The following PEX5L variants were observed in gnomAD, a reference collection of about 807,000 sequenced individuals.
PEX5L encodes peroxisomal biogenesis factor 5 like, also known as PEX5-related protein.
A neutral mutation model predicts 84.0 loss-of-function variants in PEX5L; 30 were observed. The observed-to-expected ratio is 0.36, with a 90% confidence interval of 0.27 to 0.48. The LOEUF is 0.48. Ranked by LOEUF, PEX5L falls within the 20% of genes least tolerant of loss-of-function variation. The probability of loss-of-function intolerance (pLI) is 0.99; values close to 1 mark genes in which losing one functional copy is unlikely to be tolerated. For synonymous variants in PEX5L, 270 were observed against 283.1 expected (o/e 0.95, Z 0.46); for missense variants, 533 against 754.6 (o/e 0.71, Z 3.44).
intron 1 of PEX5L, among the ~76,000 whole-genome samples, chr3:180,019,347 G>A (rs55824267): frequency 0.074 from 11,214 of 152,182 alleles, 405 homozygotes; most frequent in Non-Finnish European, 0.092. Flanking sequence ...AACTTTTTCT[G>A]ATCTCCAGTA....
At position 180,016,249 on chromosome 3, in the gene PEX5L, T is replaced by C. The variant is rs191910093; in HGVS notation, c.21+20330A>G. Among the ~76,000 whole-genome samples the C allele has an allele frequency of 1.2e-4, 19 of 152,314 alleles. No homozygotes were observed. The East Asian group carries it at 3.7e-3, about 29-fold the overall frequency. On this transcript the variant is annotated intron_variant, in intron 1 of 14. Transcript: ENST00000467460. ...AGGATGACTTTGATCAATGATTATA[T>C]CATAATACTTAAAGTTTTATTAAAT... is the stretch of plus-strand genomic sequence containing the variant.
At chr3:179,808,535 G>A in intron 12 of PEX5L, 98 bp from the exon 13 acceptor site, 4 of 942,074 alleles carry the variant, frequency 4.2e-6, no homozygotes, top group South Asian at 2.6e-5. Context: ...AAGTCTCTTC[G>A]TTACAGACTG....
intron 2 of PEX5L, among the ~76,000 whole-genome samples, chr3:179,925,290 C>T (rs566625083): frequency 1.3e-5 from 2 of 152,176 alleles, no homozygotes; most frequent in African/African-American, 2.4e-5. Flanking sequence ...ATCTTCCTCA[C>T]GCCCCTACTC....
chr3:180,033,776 A>G (rs1791663876), intron 1 of PEX5L, among the ~76,000 whole-genome samples: 1 of 152,218 alleles, frequency 6.6e-6, no homozygotes, highest in African/African-American at 2.4e-5. Context: ...TACTGGGGTG[A>G]CTAACTCCCC....
At chr3:179,949,713 G>T (rs1243710712) in intron 2 of PEX5L, among the ~76,000 whole-genome samples, 4 of 152,184 alleles carry the variant, frequency 2.6e-5, no homozygotes, top group Non-Finnish European at 5.9e-5. Context: ...TCAAGGGTAG[G>T]AGGAATAGGG....
At chr3:179,878,212 A>G (rs1753084263) in intron 5 of PEX5L, among the ~76,000 whole-genome samples, 1 of 152,186 alleles carries the variant, frequency 6.6e-6, no homozygotes, top group African/African-American at 2.4e-5. Context: ...GGCATGTTCT[A>G]CATGTCCCCA....
At chr3:179,966,179 A>G (rs1227044603) in intron 2 of PEX5L, among the ~76,000 whole-genome samples, 1 of 152,168 alleles carries the variant, frequency 6.6e-6, no homozygotes, top group African/African-American at 2.4e-5. Flanking sequence ...GGCAACTACA[A>G]CTGCATAATG....
intron 1 of PEX5L, chr3:179,973,188 T>C: frequency 7.8e-7 from 1 of 1,289,092 alleles, no homozygotes; most frequent in Non-Finnish European, 1.0e-6. Context: ...ACCCGGTTTC[T>C]GGACAAAAGG....
Position 179,905,299 on chromosome 3 carries a change from G to A in PEX5L, c.94-7053C>T, listed in dbSNP as rs1762766765. The stretch of plus-strand genomic sequence containing the variant: ...GTCCTTTTTTTTTTTTTGAGATGGA[G>A]TCTCGCTCTGTCGCCCAGGCTGGAG... On this transcript the variant is annotated intron_variant, in intron 2 of 14. Transcript: ENST00000467460. Among the ~76,000 whole-genome samples the A allele has an allele frequency of 3.4e-5, 5 of 148,968 alleles. No homozygotes were observed. The South Asian group carries it at 1.1e-3, about 32-fold the overall frequency.
At chr3:179,915,159 G>C (rs1766585810) in intron 2 of PEX5L, among the ~76,000 whole-genome samples, 1 of 152,186 alleles carries the variant, frequency 6.6e-6, no homozygotes, top group Non-Finnish European at 1.5e-5. Flanking sequence ...ACCTGACACA[G>C]AGTAGGTACT....
Position 179,973,059 on chromosome 3 carries a change from G to C in PEX5L, c.22-1394C>G, listed in dbSNP as rs963899143. The C allele has an allele frequency of 4.9e-6, 3 of 607,844 alleles. No individual in the cohort carries two copies. In the Admixed American group the frequency reaches 1.2e-4, roughly 25 times the overall value. The allele number at this position is 607,844 out of a possible 1,614,324, so 37.7% of individuals were successfully genotyped here. Reference sequence around the variant, plus strand: ...ACTTCCTTCCTATCATTTTGCTTTTGTATTCTTTTTGTTCACTGGTTGCCA... The same window carrying C: ...ACTTCCTTCCTATCATTTTGCTTTTCTATTCTTTTTGTTCACTGGTTGCCA... On this transcript the variant is annotated intron_variant, in intron 1 of 14. Transcript: ENST00000467460.
At chr3:179,837,011 G>A (rs1268354779) in intron 8 of PEX5L, among the ~76,000 whole-genome samples, 1 of 152,166 alleles carries the variant, frequency 6.6e-6, no homozygotes, top group Non-Finnish European at 1.5e-5. Flanking sequence ...TGACTATAGA[G>A]AGAAAAATTA....
chr3:179,907,868 G>A (rs531159808), intron 2 of PEX5L, among the ~76,000 whole-genome samples: 1 of 152,276 alleles, frequency 6.6e-6, no homozygotes, highest in East Asian at 1.9e-4. Flanking sequence ...CTTCTCTGTG[G>A]CTTTCCCCAT....
chr3:179,866,060 T>A (rs1026610514), intron 7 of PEX5L, among the ~76,000 whole-genome samples: 1 of 152,164 alleles, frequency 6.6e-6, no homozygotes, highest in Non-Finnish European at 1.5e-5. Context: ...TTGTAGGATA[T>A]TGCACTCTCC....
intron 1 of PEX5L, among the ~76,000 whole-genome samples, chr3:180,010,032 C>T (rs963137621): frequency 4.6e-5 from 7 of 152,078 alleles, no homozygotes; most frequent in African/African-American, 1.7e-4. Context: ...CAAGCTCCGC[C>T]TCTAGGGTTC....
At chr3:179,944,548 TC>T (rs1314743528) in intron 2 of PEX5L, among the ~76,000 whole-genome samples, 1 of 152,234 alleles carries the variant, frequency 6.6e-6, no homozygotes, top group African/African-American at 2.4e-5. Flanking sequence ...TTAATAAATG[TC>T]AGTTTCCCAT....
intron 1 of PEX5L, among the ~76,000 whole-genome samples, chr3:180,002,077 T>G (rs549544499): frequency 5.3e-5 from 8 of 152,322 alleles, no homozygotes; most frequent in Non-Finnish European, 1.2e-4. Context: ...TATTTCATTC[T>G]TTTTAATGCC....
chr3:179,995,131 T>C (rs1033333955), intron 1 of PEX5L, among the ~76,000 whole-genome samples: 1 of 147,956 alleles, frequency 6.8e-6, no homozygotes, highest in African/African-American at 2.5e-5. Flanking sequence ...ATATATACAC[T>C]ATATATACAC....
intron 1 of PEX5L, among the ~76,000 whole-genome samples, chr3:180,034,896 G>T (rs1232308811): frequency 2.0e-5 from 3 of 152,084 alleles, no homozygotes; most frequent in Admixed American, 1.3e-4. Flanking sequence ...TAAACCCTCA[G>T]ACATTGTTCC....
Sources: allele counts gnomAD v4.1 joint callset (sites outside exome capture counted in the v4.1 genomes callset), GRCh38; gene constraint gnomAD v4.1.1; transcripts MANE v1.5; gene names NCBI Gene and HGNC (gene_info 2026-07-23, HGNC 2026-07-21).